SRGAP1: variants seen among roughly 807,000 people sequenced by gnomAD.
SRGAP1 encodes SLIT-ROBO Rho GTPase-activating protein 1.
SRGAP1 carries 43 observed loss-of-function variants against 121.9 expected under a neutral mutation model. The ratio of observed to expected loss-of-function variants is 0.35; its 90% confidence interval spans 0.28 to 0.46. The LOEUF is 0.46. SRGAP1 is among the 20% of genes least tolerant of loss of function. The probability of loss-of-function intolerance (pLI) is 1.00; values close to 1 mark genes in which losing one functional copy is unlikely to be tolerated. For missense variants in SRGAP1, 1,102 were observed against 1,350.9 expected (o/e 0.82, Z 2.89); for synonymous variants, 447 against 485.4 (o/e 0.92, Z 1.04).
At chr12:63,882,896 A>G (rs1175218096) in intron 1 of SRGAP1, among the ~76,000 whole-genome samples, 1 of 152,212 alleles carries the variant, frequency 6.6e-6, no homozygotes, top group Non-Finnish European at 1.5e-5. Context: ...GAGCTTTTCA[A>G]CGCCAGTGAG....
intron 1 of SRGAP1, among the ~76,000 whole-genome samples, chr12:63,857,426 G>A (rs1899291340): frequency 6.7e-6 from 1 of 149,780 alleles, no homozygotes; most frequent in Admixed American, 6.7e-5. Context: ...CTGTCACCCA[G>A]GCTGGAGTGC....
chr12:63,993,214 T>G (rs2033603648), intron 3 of SRGAP1, among the ~76,000 whole-genome samples: 1 of 152,182 alleles, frequency 6.6e-6, no homozygotes, highest in Non-Finnish European at 1.5e-5. Context: ...CTTTTTTTTT[T>G]GTACCCATTT....
intron 1 of SRGAP1, among the ~76,000 whole-genome samples, chr12:63,931,717 A>G (rs2031482407): frequency 6.6e-6 from 1 of 152,236 alleles, no homozygotes; most frequent in South Asian, 2.1e-4. Context: ...TAGAGATCAT[A>G]CTTTATTGGG....
At chr12:64,137,961 A>AAAAAATAT (rs372355390) in intron 21 of SRGAP1, among the ~76,000 whole-genome samples, 12 of 139,680 alleles carry the variant, frequency 8.6e-5, no homozygotes, top group Non-Finnish European at 1.4e-4. Context: ...TTAAAAAAAA[A>AAAAAATAT]ATATATATAT....
At chr12:63,990,359 C>A (rs191554072) in intron 3 of SRGAP1, among the ~76,000 whole-genome samples, 1 of 152,242 alleles carries the variant, frequency 6.6e-6, no homozygotes, top group Non-Finnish European at 1.5e-5. Flanking sequence ...TAGTGAAACC[C>A]TGTCTCTACT....
chr12:64,043,314 G>A (rs1408315905), intron 5 of SRGAP1, 133 bp from the exon 6 acceptor site: 3 of 873,704 alleles, frequency 3.4e-6, no homozygotes, highest in Admixed American at 6.5e-5. Flanking sequence ...TGTACTTTTG[G>A]CAAAGGACTT....
chr12:63,987,028 A>G (rs1031742847), intron 2 of SRGAP1, among the ~76,000 whole-genome samples: 2 of 152,178 alleles, frequency 1.3e-5, no homozygotes, highest in Non-Finnish European at 2.9e-5. Context: ...CCACTTTGTG[A>G]CTTTGGTTAA....
In SRGAP1 at chr12:64,144,118, C is replaced by G. The variant is rs1396068614; in HGVS notation, c.*1446C>G. On this transcript the variant is annotated 3_prime_UTR_variant, in exon 22 of 22. Transcript: ENST00000355086. Reference sequence around the variant, plus strand: ...AAGCCTATATTTATGCTACATTTTCCCCCATCTTAAGAAAATTTGCTTTGA... The same window carrying G: ...AAGCCTATATTTATGCTACATTTTCGCCCATCTTAAGAAAATTTGCTTTGA... The G allele has an allele frequency of 6.6e-6, 1 of 152,030 alleles. No homozygotes were observed. The highest frequency in any genetic ancestry group is 1.5e-5 in the Non-Finnish European group (1 of 68,004). 9.4% of individuals were successfully genotyped at this position (152,030 alleles called of 1,614,324 possible).
intron 6 of SRGAP1, among the ~76,000 whole-genome samples, chr12:64,050,231 A>G (rs1013711590): frequency 6.6e-6 from 1 of 152,306 alleles, no homozygotes; most frequent in South Asian, 2.1e-4. Context: ...TGTATCCTGT[A>G]ACTTTACTGA....
At position 64,142,760 on chromosome 12, in the gene SRGAP1, GT is replaced by G; in HGVS notation, c.*92del. The stretch of plus-strand genomic sequence containing the variant: ...AGTCACTGATCCATAACTTTCCTTA[GT>G]TTTGTGCTTATAACTGGAGATCTTT... On this transcript the variant is annotated 3_prime_UTR_variant, in exon 22 of 22. Coordinates refer to ENST00000355086, the MANE Select transcript of SRGAP1 (RefSeq NM_020762.4). The G allele has an allele frequency of 6.6e-7, 1 of 1,506,092 alleles. No homozygotes were observed. Among genetic ancestry groups the G allele is most frequent in the African/African-American group, 1.4e-5 (1 of 71,626 alleles). 93.3% of individuals were successfully genotyped at this position (1,506,092 alleles called of 1,614,324 possible). A position where few individuals can be genotyped will look rare whatever the true frequency, so the allele number is the denominator to read the frequency against.
In SRGAP1 at chr12:64,148,268, G is replaced by A. The variant is rs1461743226; in HGVS notation, c.*5596G>A. ...CTGTGCTTAGAACTCCCCGTGTATT[G>A]GTATTTTTCTTTACTTTTTTTTTTT... On this transcript the variant is annotated 3_prime_UTR_variant, in exon 22 of 22. Coordinates refer to ENST00000355086, the MANE Select transcript of SRGAP1 (RefSeq NM_020762.4). 1 of 146,648 alleles carries A rather than the reference G, an allele frequency of 6.8e-6. No individual in the cohort carries two copies. Among genetic ancestry groups the A allele is most frequent in the African/African-American group, 2.5e-5 (1 of 39,512 alleles). 9.1% of individuals were successfully genotyped at this position (146,648 alleles called of 1,614,324 possible).
At chr12:63,997,047 C>T (rs772065399) in intron 3 of SRGAP1, among the ~76,000 whole-genome samples, 14 of 151,970 alleles carry the variant, frequency 9.2e-5, no homozygotes, top group Non-Finnish European at 1.6e-4. Context: ...TTAGTAACAA[C>T]AGGATATGTG....
At chr12:64,115,745 T>C (rs2036507485) in intron 17 of SRGAP1, 69 bp from the exon 18 acceptor site, 3 of 1,240,132 alleles carry the variant, frequency 2.4e-6, no homozygotes, top group African/African-American at 1.5e-5. Flanking sequence ...TAGGCAGCAG[T>C]GCAAGAACCT....
chr12:63,951,283 C>G (rs375036082), intron 1 of SRGAP1, among the ~76,000 whole-genome samples: 41 of 150,588 alleles, frequency 2.7e-4, no homozygotes, highest in African/African-American at 9.8e-4. Flanking sequence ...CCTGCCTCAG[C>G]CTCCCCAGTA....
rs908878592 is a variant in SRGAP1 at position 64,097,384 on chromosome 12, A to G, written c.1813+9A>G. 14 of 1,602,858 alleles carry G rather than the reference A, an allele frequency of 8.7e-6. No individual in the cohort carries two copies. The Admixed American group carries it at 2.5e-4, about 28-fold the overall frequency. Reference sequence around the variant, plus strand: ...TCTGATTTCTTGTATCAGTAAGTGGACATTTTTTTCATCTTTTCCCACAAG... The same window carrying G: ...TCTGATTTCTTGTATCAGTAAGTGGGCATTTTTTTCATCTTTTCCCACAAG... On this transcript the variant is annotated intron_variant, in intron 15 of 21. Transcript: ENST00000355086.
chr12:64,001,131 A>G (rs1351387711), intron 3 of SRGAP1, among the ~76,000 whole-genome samples: 1 of 152,140 alleles, frequency 6.6e-6, no homozygotes, highest in Non-Finnish European at 1.5e-5. Context: ...CATTCCATAA[A>G]ATCATCCTCT....
chr12:63,988,762 T>C (rs747366754), intron 2 of SRGAP1, among the ~76,000 whole-genome samples: 1 of 152,242 alleles, frequency 6.6e-6, no homozygotes, highest in African/African-American at 2.4e-5. Flanking sequence ...GATTCTCTGC[T>C]ATTTTGCCAT....
intron 18 of SRGAP1, among the ~76,000 whole-genome samples, chr12:64,117,721 C>T (rs1180004906): frequency 1.3e-5 from 2 of 152,156 alleles, no homozygotes; most frequent in Admixed American, 1.3e-4. Flanking sequence ...CCTTGCTTGA[C>T]TGAAACTTTA....
Position 64,020,340 on chromosome 12 carries a change from C to T in SRGAP1, c.489+3328C>T, listed in dbSNP as rs569807682. On this transcript the variant is annotated intron_variant, in intron 4 of 21. Coordinates refer to ENST00000355086, the MANE Select transcript of SRGAP1 (RefSeq NM_020762.4). ...GAGCACAGGTTGTGTGGATATGGCA[C>T]GAAGCCCTGGACTTAAAGCAAAGAC... Among the ~76,000 whole-genome samples, 18 of 152,080 alleles carry T rather than the reference C, an allele frequency of 1.2e-4. No individual in the cohort carries two copies. The South Asian group carries it at 2.5e-3, about 21-fold the overall frequency.
Sources: gnomAD v4.1 joint callset for allele counts (sites outside exome capture counted in the v4.1 genomes callset) on GRCh38, gnomAD v4.1.1 for gene constraint, MANE v1.5 for transcripts, NCBI Gene and HGNC (gene_info 2026-07-23, HGNC 2026-07-21) for gene names.